The following CHRM5 variants were observed in gnomAD, a reference collection of about 807,000 sequenced individuals.
CHRM5 encodes the protein muscarinic acetylcholine receptor M5.
A neutral mutation model predicts 39.0 loss-of-function variants in CHRM5; 18 were observed. The ratio of observed to expected loss-of-function variants is 0.46; its 90% confidence interval spans 0.32 to 0.68. CHRM5 has a LOEUF of 0.68. Ranked by LOEUF, CHRM5 falls within the 30% of genes least tolerant of loss-of-function variation. CHRM5 has a pLI of 0.04. For synonymous variants in CHRM5, 241 were observed against 246.3 expected, an observed-to-expected ratio of 0.98 and a Z score of 0.20; for missense variants, 515 against 651.1, an observed-to-expected ratio of 0.79 and a Z score of 2.28.
In CHRM5 at chr15:34,037,232, G is replaced by A. The variant is rs189786645; in HGVS notation, c.-407-9308G>A. ...GACACTTATTAGTAAAGTCCTGTGCGCCAGACACCATAGTTAACACCAAAT... is the reference window on the plus strand; with the variant it reads ...GACACTTATTAGTAAAGTCCTGTGCACCAGACACCATAGTTAACACCAAAT... On this transcript the variant is annotated intron_variant, in intron 1 of 2. Coordinates refer to ENST00000383263, the MANE Select transcript of CHRM5 (RefSeq NM_012125.4). Among the ~76,000 whole-genome samples the A allele has an allele frequency of 3.3e-3, 508 of 152,068 alleles. 7 individuals are homozygous for A. Among genetic ancestry groups the A allele is most frequent in the Middle Eastern group, 0.02 (6 of 294 alleles).
intron 1 of CHRM5, among the ~76,000 whole-genome samples, chr15:33,998,590 C>T (rs981178562): frequency 6.6e-6 from 1 of 152,190 alleles, no homozygotes; most frequent in Admixed American, 6.5e-5. Context: ...TCAAACATCT[C>T]TTCCCACATT....
chr15:33,971,515 T>C (rs998068489), intron 1 of CHRM5, among the ~76,000 whole-genome samples: 5 of 152,064 alleles, frequency 3.3e-5, no homozygotes, highest in African/African-American at 7.2e-5. Flanking sequence ...TTCGTGTATG[T>C]TGACATAACA....
intron 1 of CHRM5, among the ~76,000 whole-genome samples, chr15:34,038,451 C>A (rs983549969): frequency 6.6e-6 from 1 of 152,230 alleles, no homozygotes; most frequent in African/African-American, 2.4e-5. Context: ...GCCCAGCCGG[C>A]CCACGGGCCG....
intron 1 of CHRM5, among the ~76,000 whole-genome samples, chr15:34,018,807 C>A (rs1029473405): frequency 2.0e-5 from 3 of 152,094 alleles, no homozygotes; most frequent in African/African-American, 7.2e-5. Context: ...GGTGCATTTA[C>A]AATCATTTAG....
intron 1 of CHRM5, among the ~76,000 whole-genome samples, chr15:34,006,298 G>A (rs1392945561): frequency 4.7e-5 from 7 of 147,420 alleles, no homozygotes; most frequent in African/African-American, 1.0e-4. Flanking sequence ...GCAACAGAGC[G>A]AGACTCCGTC....
chr15:34,005,587 ATAAC>A (rs1475013160), intron 1 of CHRM5, among the ~76,000 whole-genome samples: 1 of 152,204 alleles, frequency 6.6e-6, no homozygotes, highest in East Asian at 1.9e-4. Context: ...ACTATATATA[ATAAC>A]TAAGATGGAC....
chr15:34,057,403 A>G (rs747830664), intron 2 of CHRM5, among the ~76,000 whole-genome samples: 1 of 151,984 alleles, frequency 6.6e-6, no homozygotes, highest in Non-Finnish European at 1.5e-5. Flanking sequence ...CGGCTTCCCA[A>G]AGTGCTGGGA....
At chr15:34,060,434 A>G (rs1385398277) in intron 2 of CHRM5, among the ~76,000 whole-genome samples, 2 of 152,212 alleles carry the variant, frequency 1.3e-5, no homozygotes, top group Non-Finnish European at 2.9e-5. Context: ...CTGAAAATAT[A>G]AAGCAAAGCC....
chr15:34,029,663 A>G (rs936034653), intron 1 of CHRM5, among the ~76,000 whole-genome samples: 2 of 152,214 alleles, frequency 1.3e-5, no homozygotes, highest in Non-Finnish European at 2.9e-5. Flanking sequence ...GAAGGACACC[A>G]AGGGAAAATA....
At chr15:34,017,489 T>TG (rs1897976094) in intron 1 of CHRM5, among the ~76,000 whole-genome samples, 2 of 80,168 alleles carry the variant, frequency 2.5e-5, no homozygotes, top group Admixed American at 1.4e-4. Flanking sequence ...TTTTTGTTTT[T>TG]TTTTTTTTTT....
Position 34,014,379 on chromosome 15 carries a change from A to C in CHRM5, c.-407-32161A>C, listed in dbSNP as rs939551522. 1.3e-4 allele frequency among the ~76,000 whole-genome samples: 15 copies of C among 119,310 alleles called. 1 individual carries two copies. The highest frequency in any genetic ancestry group is 3.4e-4 in the African/African-American group (12 of 35,014). 78.3% of individuals were successfully genotyped at this position (119,310 alleles called of 152,430 possible). ...AACTCCATCTCATTAAAAAAAAAAA[A>C]AAAAACAAAAACAAAAACCACGTTT... On this transcript the variant is annotated intron_variant, in intron 1 of 2. Transcript: ENST00000383263.
chr15:34,060,851 C>A (rs987700819), intron 2 of CHRM5, among the ~76,000 whole-genome samples: 9 of 151,856 alleles, frequency 5.9e-5, no homozygotes, highest in African/African-American at 1.9e-4. Flanking sequence ...GCCTGGGTGA[C>A]AAGGGCAAGA....
At chr15:33,980,158 C>T (rs58547397) in intron 1 of CHRM5, among the ~76,000 whole-genome samples, 5,715 of 152,184 alleles carry the variant, frequency 0.038, 384 homozygotes, top group African/African-American at 0.13. Context: ...GTACAAGGAA[C>T]CTAAACATGT....
chr15:33,995,193 G>A (rs917627965), intron 1 of CHRM5, among the ~76,000 whole-genome samples: 2 of 152,116 alleles, frequency 1.3e-5, no homozygotes, highest in African/African-American at 4.8e-5. Flanking sequence ...GAGCCCAGGA[G>A]GTCAAGGCTG....
intron 1 of CHRM5, among the ~76,000 whole-genome samples, chr15:33,998,917 A>G (rs1897038079): frequency 6.6e-6 from 1 of 152,186 alleles, no homozygotes; most frequent in Non-Finnish European, 1.5e-5. Context: ...GACTTTAAAT[A>G]TCATCTATAG....
intron 1 of CHRM5, among the ~76,000 whole-genome samples, chr15:34,030,398 T>C (rs895206446): frequency 6.6e-6 from 1 of 152,070 alleles, no homozygotes; most frequent in Non-Finnish European, 1.5e-5. Flanking sequence ...CAGGCTGGAG[T>C]GCAGTGGCGC....
intron 1 of CHRM5, among the ~76,000 whole-genome samples, chr15:33,977,239 G>A (rs747482389): frequency 6.4e-4 from 97 of 152,212 alleles, no homozygotes; most frequent in Non-Finnish European, 1.1e-3. Flanking sequence ...AGACAGGGAA[G>A]CTTGCCTTTA....
intron 1 of CHRM5, among the ~76,000 whole-genome samples, chr15:34,006,742 G>A (rs920603476): frequency 6.6e-6 from 1 of 152,162 alleles, no homozygotes; most frequent in Non-Finnish European, 1.5e-5. Flanking sequence ...CACAAATGCA[G>A]AGACAGAGTT....
chr15:33,976,152 T>C (rs1420820597), intron 1 of CHRM5, among the ~76,000 whole-genome samples: 1 of 152,082 alleles, frequency 6.6e-6, no homozygotes. Flanking sequence ...TTGGATAAAA[T>C]CAACTTTTAA....
Sources: gnomAD v4.1 joint callset for allele counts (sites outside exome capture counted in the v4.1 genomes callset) on GRCh38, gnomAD v4.1.1 for gene constraint, MANE v1.5 for transcripts, NCBI Gene and HGNC (gene_info 2026-07-23, HGNC 2026-07-21) for gene names.